The following RNF217 variants were observed in gnomAD, a reference collection of about 807,000 sequenced individuals.
RNF217 encodes the protein ring finger protein 217, also known as E3 ubiquitin-protein ligase RNF217.
A neutral mutation model predicts 57.8 loss-of-function variants in RNF217; 31 were observed. The ratio of observed to expected loss-of-function variants is 0.54; its 90% CI spans 0.40 to 0.72. The LOEUF is 0.72. Ranked by LOEUF, RNF217 falls within the 30% of genes least tolerant of loss-of-function variation. RNF217 has a pLI of 0.00. For missense variants in RNF217, 696 were observed against 708.3 expected, an observed-to-expected ratio of 0.98 and a Z score of 0.20; for synonymous variants, 313 against 294.0, an observed-to-expected ratio of 1.06 and a Z score of -0.66.
intron 1 of RNF217, among the ~76,000 whole-genome samples, chr6:124,995,628 A>G (rs1784718725): frequency 6.6e-6 from 1 of 152,106 alleles, no homozygotes; most frequent in African/African-American, 2.4e-5. Context: ...TGCCTATTGA[A>G]AAACATTTGG....
chr6:125,074,336 GATAGATA>G (rs1418155611), intron 3 of RNF217, among the ~76,000 whole-genome samples: 4 of 150,508 alleles, frequency 2.7e-5, no homozygotes, highest in African/African-American at 9.7e-5. Context: ...TAGATAGATA[GATAGATA>G]GATAGATAGG....
At chr6:125,035,351 C>T (rs1467461991) in intron 1 of RNF217, among the ~76,000 whole-genome samples, 1 of 152,122 alleles carries the variant, frequency 6.6e-6, no homozygotes, top group African/African-American at 2.4e-5. Flanking sequence ...AGATAGCTCT[C>T]TCTCGGCAGA....
At chr6:124,970,419 GAA>G (rs1783720993) in intron 1 of RNF217, among the ~76,000 whole-genome samples, 1 of 152,120 alleles carries the variant, frequency 6.6e-6, no homozygotes, top group African/African-American at 2.4e-5. Flanking sequence ...TGGGATGAGA[GAA>G]AAAGAGTCAA....
intron 3 of RNF217, among the ~76,000 whole-genome samples, chr6:125,075,341 G>T (rs1386017187): frequency 6.6e-6 from 1 of 152,118 alleles, no homozygotes; most frequent in African/African-American, 2.4e-5. Context: ...TTATCATGCT[G>T]CTATGAAGAA....
chr6:124,973,253 C>T (rs1313778276), intron 1 of RNF217, among the ~76,000 whole-genome samples: 1 of 152,152 alleles, frequency 6.6e-6, no homozygotes, highest in African/African-American at 2.4e-5. Context: ...TTCTATCACT[C>T]CAGCTCTCCT....
intron 3 of RNF217, among the ~76,000 whole-genome samples, chr6:125,062,787 G>C (rs989958297): frequency 6.6e-6 from 1 of 152,108 alleles, no homozygotes; most frequent in East Asian, 1.9e-4. Context: ...ACGTTGACCA[G>C]CTTATCTCGA....
chr6:125,043,311 T>C (rs752024741), intron 1 of RNF217, among the ~76,000 whole-genome samples: 4 of 151,984 alleles, frequency 2.6e-5, no homozygotes, highest in Non-Finnish European at 5.9e-5. Context: ...TGAAACCCCT[T>C]CTCACTTTTG....
intron 1 of RNF217, among the ~76,000 whole-genome samples, chr6:124,984,541 C>CAAAAA (rs750251821): frequency 4.0e-5 from 3 of 74,196 alleles, no homozygotes; most frequent in Admixed American, 1.5e-4. Context: ...GACCCTTTCT[C>CAAAAA]AAAAAAAAAA....
chr6:125,050,906 A>G (rs1195666706), intron 2 of RNF217, among the ~76,000 whole-genome samples: 1 of 151,874 alleles, frequency 6.6e-6, no homozygotes, highest in African/African-American at 2.4e-5. Context: ...GATTTATGAG[A>G]CAGTTAAAGT....
rs1788829062 is a variant in RNF217 at position 125,088,201 on chromosome 6, TAAAAC to T, written c.*5268_*5272del. The T allele has an allele frequency of 1.3e-5, 2 of 152,108 alleles. No homozygotes were observed. The highest frequency in any genetic ancestry group is 2.4e-5 in the African/African-American group (1 of 41,518). The allele number at this position is 152,108 out of a possible 1,614,324, so 9.4% of individuals were successfully genotyped here. On this transcript the variant is annotated 3_prime_UTR_variant, in exon 6 of 6. Transcript: ENST00000521654. ...TTTATAGCCACAATTATTAATTTGA[TAAAAC>T]AAATAATTTTATAGAAGCATTAAAG...
At chr6:125,035,414 A>G (rs914446571) in intron 1 of RNF217, among the ~76,000 whole-genome samples, 36 of 152,324 alleles carry the variant, frequency 2.4e-4, no homozygotes, top group African/African-American at 8.4e-4. Context: ...TCTTAAAGAA[A>G]AGAATTTTCA....
intron 1 of RNF217, among the ~76,000 whole-genome samples, chr6:124,996,010 T>A (rs954456705): frequency 1.3e-5 from 2 of 152,128 alleles, no homozygotes; most frequent in Non-Finnish European, 2.9e-5. Context: ...TGTACATGTA[T>A]AGGAATTTTT....
chr6:125,044,495 C>A (rs888555027), intron 1 of RNF217, among the ~76,000 whole-genome samples: 4 of 152,064 alleles, frequency 2.6e-5, no homozygotes, highest in African/African-American at 9.7e-5. Context: ...ATCCTCCCTT[C>A]TCTCCTAATC....
At chr6:125,013,566 G>A (rs527283382) in intron 1 of RNF217, among the ~76,000 whole-genome samples, 306 of 151,064 alleles carry the variant, frequency 2.0e-3, no homozygotes, top group Non-Finnish European at 3.2e-3. Flanking sequence ...AAAAAAAGTA[G>A]TCTGAAAGCT....
At position 125,091,604 on chromosome 6, in the gene RNF217, A is replaced by C. The variant is rs554824049; in HGVS notation, c.*8667A>C. The C allele has an allele frequency of 1.2e-4, 19 of 152,230 alleles. No individual in the cohort carries two copies. In the South Asian group the frequency reaches 3.5e-3, roughly 28 times the overall value. The allele number at this position is 152,230 out of a possible 1,614,324, so 9.4% of individuals were successfully genotyped here. On this transcript the variant is annotated 3_prime_UTR_variant, in exon 6 of 6. Transcript: ENST00000521654. ...AATTGAATTGTACTTTAAAACCATA[A>C]AAAATGCTAATTAAGTTTAGAACAG...
rs545215774 is a variant in RNF217 at position 124,963,021 on chromosome 6, G to C, written c.477G>C (p.Lys159Asn). 1.9e-6 allele frequency: 3 copies of C among 1,593,958 alleles called. No individual in the cohort carries two copies. Among genetic ancestry groups the C allele is most frequent in the African/African-American group, 2.7e-5 (2 of 74,866 alleles). ...GTCAGCGGCGCCCGTCCCTCGCCAA[G>C]AGACAAGTCTTCTGCTCCGTGTACT... is the stretch of plus-strand genomic sequence containing the variant. The part of the protein sequence containing the change: ...VLGQRRPSLA[K>N]RQVFCSVYCV... Residue 159 changes from lysine to asparagine, a missense_variant, in exon 1 of 6, where the codon AAG (lysine) becomes AAC (asparagine). Around this residue, in one of 2 missense-constraint regions of RNF217, gnomAD observed 465 missense variants for 386.8 expected, o/e 1.20. Coordinates refer to ENST00000521654, the MANE Select transcript of RNF217 (RefSeq NM_001286398.3).
At chr6:125,080,209 A>G (rs907752554) in intron 4 of RNF217, among the ~76,000 whole-genome samples, 1 of 152,114 alleles carries the variant, frequency 6.6e-6, no homozygotes, top group African/African-American at 2.4e-5. Context: ...AGTGTACTAA[A>G]CGTAATTATT....
intron 4 of RNF217, among the ~76,000 whole-genome samples, chr6:125,078,913 G>A (rs1334625805): frequency 6.6e-6 from 1 of 152,134 alleles, no homozygotes; most frequent in African/African-American, 2.4e-5. Flanking sequence ...GAAAAGTAAT[G>A]TTGTAATTTA....
chr6:125,014,784 T>A (rs1227830849), intron 1 of RNF217, among the ~76,000 whole-genome samples: 2 of 152,200 alleles, frequency 1.3e-5, no homozygotes, highest in East Asian at 1.9e-4. Flanking sequence ...AAGTTATTTT[T>A]AAAAATAAAA....
Sources: gnomAD v4.1 joint callset for allele counts (sites outside exome capture counted in the v4.1 genomes callset) on GRCh38, gnomAD v4.1.1 for gene constraint, gnomAD v4.1.1 regional missense constraint, MANE v1.5 for transcripts, NCBI Gene and HGNC (gene_info 2026-07-23, HGNC 2026-07-21) for gene names.